SERINC5: variants seen among roughly 807,000 people sequenced by gnomAD.
The protein encoded by SERINC5 is chromosome 5 open reading frame 12.
In SERINC5, 41 loss-of-function variants were observed where a neutral mutation model predicts 63.1. The ratio of observed to expected loss-of-function variants is 0.65; its 90% CI spans 0.51 to 0.84. The LOEUF (loss-of-function observed/expected upper bound fraction) is 0.84, where lower values mean the gene tolerates loss of function less well. Ranked by LOEUF, SERINC5 falls within the 40% of genes least tolerant of loss-of-function variation. The pLI is 0.00. For missense variants in SERINC5, 523 were observed against 573.0 expected, an observed-to-expected ratio of 0.91 and a Z score of 0.89; for synonymous variants, 222 against 215.2, an observed-to-expected ratio of 1.03 and a Z score of -0.28.
chr5:80,150,868 G>A lies in SERINC5; in HGVS notation c.1053+14C>T. The A allele has an allele frequency of 6.3e-7, 1 of 1,593,382 alleles. No homozygotes were observed. Among genetic ancestry groups the A allele is most frequent in the Non-Finnish European group, 8.6e-7 (1 of 1,161,110 alleles). ...TCTGAGATGAAGCAGGACAGGAAAAGGAAATGAACTTACCTCCAATTCAGG... is the reference window on the plus strand; with the variant it reads ...TCTGAGATGAAGCAGGACAGGAAAAAGAAATGAACTTACCTCCAATTCAGG... On this transcript the variant is annotated intron_variant, in intron 9 of 11. Coordinates refer to ENST00000507668, the MANE Select transcript of SERINC5 (RefSeq NM_001174072.3).
chr5:80,131,864 G>T (rs1194104548), intron 11 of SERINC5, among the ~76,000 whole-genome samples: 2 of 152,104 alleles, frequency 1.3e-5, no homozygotes, highest in Admixed American at 6.5e-5. Context: ...CTGACGAACA[G>T]AATCTAGTTC....
rs1411279958 is a variant in SERINC5, at chr5:80,256,029, A to G, written c.-107T>C. ...GGGCTCAGCCGCAGCTCACACTTGA[A>G]CGAAGATCAGCCTCGGCGAAGCGCC... is the stretch of plus-strand genomic sequence containing the variant. On this transcript the variant is annotated 5_prime_UTR_variant, in exon 1 of 12. Coordinates refer to ENST00000507668, the MANE Select transcript of SERINC5 (RefSeq NM_001174072.3). The G allele has an allele frequency of 1.7e-6, 2 of 1,194,038 alleles. No homozygotes were observed. Among genetic ancestry groups the G allele is most frequent in the East Asian group, 3.1e-5 (1 of 31,996 alleles). The allele number at this position is 1,194,038 out of a possible 1,614,324, so 74.0% of individuals were successfully genotyped here.
chr5:80,158,008 A>G (rs1240342138), intron 8 of SERINC5: 3 of 152,234 alleles, frequency 2.0e-5, no homozygotes, highest in Non-Finnish European at 4.4e-5. Context: ...TCGTTTCAGC[A>G]AAAAGGAAGT....
intron 5 of SERINC5, among the ~76,000 whole-genome samples, chr5:80,173,465 A>G (rs1048291151): frequency 6.6e-5 from 10 of 152,232 alleles, no homozygotes; most frequent in Non-Finnish European, 7.4e-5. Context: ...GCATGGTGGC[A>G]GGCGACTGTA....
chr5:80,235,278 T>C (rs1423046370), intron 1 of SERINC5, among the ~76,000 whole-genome samples: 1 of 152,224 alleles, frequency 6.6e-6, no homozygotes, highest in Non-Finnish European at 1.5e-5. Flanking sequence ...TCCTTCTTTA[T>C]TAAGGCTGTA....
At chr5:80,245,492 GCA>G in intron 1 of SERINC5, among the ~76,000 whole-genome samples, 2 of 152,276 alleles carry the variant, frequency 1.3e-5, no homozygotes, top group African/African-American at 4.8e-5. Flanking sequence ...ACTGGCCCAG[GCA>G]CAGTCTCATA....
rs1307299733 is a variant in SERINC5 at position 80,120,678 on chromosome 5, G to A, written c.1239-7053C>T. Among the ~76,000 whole-genome samples the A allele has an allele frequency of 2.0e-5, 3 of 151,920 alleles. No homozygotes were observed. In the East Asian group the frequency reaches 5.9e-4, roughly 30 times the overall value. On this transcript the variant is annotated intron_variant, in intron 11 of 12. Coordinates refer to the SERINC5 transcript ENST00000509193. ...AAAATACAAAAAATTAGCCAGGTGT[G>A]GGGGCAGGCGCCTGTAATCCCAGCT... is the stretch of plus-strand genomic sequence containing the variant.
chr5:80,206,832 A>G (rs1750190767), intron 1 of SERINC5, among the ~76,000 whole-genome samples: 1 of 75,584 alleles, frequency 1.3e-5, no homozygotes, highest in African/African-American at 4.1e-5. Context: ...TTTTTTTTTA[A>G]GAGACAGAGT....
chr5:80,173,456 C>A (rs1016355371), intron 5 of SERINC5, among the ~76,000 whole-genome samples: 1 of 152,026 alleles, frequency 6.6e-6, no homozygotes, highest in Non-Finnish European at 1.5e-5. Flanking sequence ...ATTAGCCGGG[C>A]ATGGTGGCAG....
chr5:80,231,624 A>T (rs891369803), intron 1 of SERINC5, among the ~76,000 whole-genome samples: 2 of 139,950 alleles, frequency 1.4e-5, no homozygotes, highest in African/African-American at 2.8e-5. Flanking sequence ...CAGTCAAATT[A>T]AAAAAAAAAA....
intron 2 of SERINC5, among the ~76,000 whole-genome samples, chr5:80,201,175 G>A (rs907056795): frequency 1.3e-5 from 2 of 152,112 alleles, no homozygotes; most frequent in African/African-American, 2.4e-5. Context: ...TGGGGCAAAC[G>A]TTTGCTCAGG....
rs115550348 is a variant in SERINC5 at position 80,223,783 on chromosome 5, T to G, written c.28-20730A>C. Among the ~76,000 whole-genome samples, 1,009 of 152,188 alleles carry G rather than the reference T, an allele frequency of 6.6e-3. 6 individuals carry two copies. The highest frequency in any genetic ancestry group is 0.024 in the Middle Eastern group (7 of 294). ...CCATAGCCAGGAATAGATGAAAACCTCAAGATTTAATCTGTGATGATACAA... is the reference window on the plus strand; with the variant it reads ...CCATAGCCAGGAATAGATGAAAACCGCAAGATTTAATCTGTGATGATACAA... On this transcript the variant is annotated intron_variant, in intron 1 of 11. Transcript: ENST00000507668.
chr5:80,235,838 A>G (rs1441077502), intron 1 of SERINC5, among the ~76,000 whole-genome samples: 1 of 152,112 alleles, frequency 6.6e-6, no homozygotes, highest in Non-Finnish European at 1.5e-5. Context: ...TTCCTAAATG[A>G]TCCCTAACCT....
chr5:80,226,561 G>C (rs886500783), intron 1 of SERINC5, among the ~76,000 whole-genome samples: 1 of 152,230 alleles, frequency 6.6e-6, no homozygotes, highest in South Asian at 2.1e-4. Context: ...ACCTACAGCA[G>C]TCAGAAGAGC....
At position 80,203,253 on chromosome 5, in the gene SERINC5, T is replaced by TACAC. The variant is rs768785966; in HGVS notation, c.28-204_28-201dup. On this transcript the variant is annotated intron_variant, in intron 1 of 11. Transcript: ENST00000507668. ...GAACCTGTCTCTAAATAAATATATA[T>TACAC]ACACATATATATATATATGTGTATA... 8.7e-4 allele frequency: 299 copies of TACAC among 342,480 alleles called. 3 individuals carry two copies. Among genetic ancestry groups the TACAC allele is most frequent in the African/African-American group, 6.2e-3 (278 of 44,716 alleles). 21.2% of individuals were successfully genotyped at this position (342,480 alleles called of 1,614,324 possible).
At position 80,139,534 on chromosome 5, in the gene SERINC5, G is replaced by A. The variant is rs1283193877; in HGVS notation, c.*4129C>T. ...AGGAAAAAAAAAGCTCTTTGGTAAAGGCCAAATATTTCAACCTTTCAAAAT... is the reference window on the plus strand; with the variant it reads ...AGGAAAAAAAAAGCTCTTTGGTAAAAGCCAAATATTTCAACCTTTCAAAAT... On this transcript the variant is annotated 3_prime_UTR_variant, in exon 12 of 12. Transcript: ENST00000507668. The A allele has an allele frequency of 5.1e-6, 5 of 984,588 alleles. No individual in the cohort carries two copies. The African/African-American group carries it at 8.8e-5, about 17-fold the overall frequency. The allele number at this position is 984,588 out of a possible 1,614,324, so 61.0% of individuals were successfully genotyped here. A position where few individuals can be genotyped will look rare whatever the true frequency, so the allele number is the denominator to read the frequency against.
chr5:80,213,245 C>CAAAAAAAAAAAAG (rs57289084), intron 1 of SERINC5, among the ~76,000 whole-genome samples: 2 of 132,684 alleles, frequency 1.5e-5, no homozygotes, highest in East Asian at 2.2e-4. Context: ...GACTGCATCT[C>CAAAAAAAAAAAAG]AAAGAAAGAA....
chr5:80,236,429 A>G (rs1751692927), intron 1 of SERINC5, among the ~76,000 whole-genome samples: 1 of 152,188 alleles, frequency 6.6e-6, no homozygotes, highest in Admixed American at 6.5e-5. Flanking sequence ...AAAAGCCTAA[A>G]AAATCCACAC....
At chr5:80,130,627 C>T (rs1385367057) in intron 11 of SERINC5, among the ~76,000 whole-genome samples, 3 of 152,220 alleles carry the variant, frequency 2.0e-5, no homozygotes. Flanking sequence ...ATATCATCCA[C>T]TATCTACCTA....
Sources: allele counts gnomAD v4.1 joint callset (sites outside exome capture counted in the v4.1 genomes callset), GRCh38; gene constraint gnomAD v4.1.1; transcripts MANE v1.5; gene names NCBI Gene and HGNC (gene_info 2026-07-23, HGNC 2026-07-21).